DDAH1: variants seen among roughly 807,000 people sequenced by gnomAD.
The protein encoded by DDAH1 is N(G),N(G)-dimethylarginine dimethylaminohydrolase 1.
In DDAH1, 19 loss-of-function variants were observed where a neutral mutation model predicts 28.8. That is an observed-to-expected ratio of 0.66 (90% confidence interval 0.46 to 0.97). DDAH1 has a LOEUF of 0.97. DDAH1 is among the 50% of genes least tolerant of loss of function. The pLI, the probability that DDAH1 is intolerant of heterozygous loss-of-function variation, is 0.00. For missense variants in DDAH1, 326 were observed against 375.9 expected (o/e 0.87, Z 1.10); for synonymous variants, 153 against 154.4 (o/e 0.99, Z 0.07).
At chr1:85,338,944 G>A (rs1043904741) in intron 4 of DDAH1, among the ~76,000 whole-genome samples, 2 of 151,444 alleles carry the variant, frequency 1.3e-5, no homozygotes, top group Non-Finnish European at 2.9e-5. Flanking sequence ...CTACTCAGGA[G>A]GCTGAAGAAG....
intron 4 of DDAH1, among the ~76,000 whole-genome samples, chr1:85,325,367 G>GCACACA (rs569040999): frequency 1.1e-4 from 16 of 143,808 alleles, no homozygotes; most frequent in Non-Finnish European, 2.4e-4. Flanking sequence ...GCGCGCGCGC[G>GCACACA]CACACACACA....
chr1:85,574,903 A>G (rs1388977216), intron 1 of DDAH1, among the ~76,000 whole-genome samples: 1 of 151,852 alleles, frequency 6.6e-6, no homozygotes, highest in African/African-American at 2.4e-5. Flanking sequence ...ATATATATAT[A>G]TATGTAATTA....
intron 1 of DDAH1, among the ~76,000 whole-genome samples, chr1:85,402,633 G>T (rs1288570488): frequency 6.6e-6 from 1 of 152,006 alleles, no homozygotes; most frequent in African/African-American, 2.4e-5. Flanking sequence ...TCTTCTGGCC[G>T]GACGCGGTGG....
At chr1:85,427,613 C>T (rs887661590) in intron 1 of DDAH1, among the ~76,000 whole-genome samples, 1 of 152,198 alleles carries the variant, frequency 6.6e-6, no homozygotes, top group African/African-American at 2.4e-5. Context: ...CATCTTCTTA[C>T]ATGATCATTA....
intron 1 of DDAH1, among the ~76,000 whole-genome samples, chr1:85,395,798 G>C (rs1651785593): frequency 6.6e-6 from 1 of 152,120 alleles, no homozygotes; most frequent in Admixed American, 6.5e-5. Context: ...GATCAAGTTG[G>C]CTAAAATTAA....
intron 1 of DDAH1, among the ~76,000 whole-genome samples, chr1:85,406,291 A>G (rs1652399333): frequency 1.3e-5 from 2 of 152,212 alleles, no homozygotes; most frequent in Admixed American, 1.3e-4. Flanking sequence ...AGAAACACAG[A>G]AGAGAAGCTT....
intron 1 of DDAH1, among the ~76,000 whole-genome samples, chr1:85,403,884 T>G (rs946160340): frequency 6.6e-6 from 1 of 152,204 alleles, no homozygotes; most frequent in Non-Finnish European, 1.5e-5. Flanking sequence ...GGTAGAACAT[T>G]TAAAATATTG....
intron 1 of DDAH1, among the ~76,000 whole-genome samples, chr1:85,389,959 T>C (rs1358563714): frequency 6.6e-6 from 1 of 152,256 alleles, no homozygotes; most frequent in Non-Finnish European, 1.5e-5. Context: ...TTGACGATTC[T>C]AGAAGACCTC....
At chr1:85,537,235 G>C (rs572835217) in intron 1 of DDAH1, among the ~76,000 whole-genome samples, 1 of 151,628 alleles carries the variant, frequency 6.6e-6, no homozygotes, top group East Asian at 1.9e-4. Flanking sequence ...TCAGGAGGTT[G>C]AGGTCGGAGG....
intron 1 of DDAH1, among the ~76,000 whole-genome samples, chr1:85,409,332 T>C (rs1186424099): frequency 6.6e-6 from 1 of 152,132 alleles, no homozygotes; most frequent in Admixed American, 6.5e-5. Flanking sequence ...GAACTGCTAA[T>C]CCACAGCAGA....
intron 1 of DDAH1, among the ~76,000 whole-genome samples, chr1:85,512,032 C>G (rs1447146829): frequency 1.3e-5 from 2 of 152,172 alleles, no homozygotes; most frequent in Non-Finnish European, 2.9e-5. Context: ...CAAAGCCTGG[C>G]AGAGACACAA....
chr1:85,421,968 G>A (rs1653159340), intron 1 of DDAH1, among the ~76,000 whole-genome samples: 1 of 152,146 alleles, frequency 6.6e-6, no homozygotes. Context: ...CATGATTGCT[G>A]GATTGTATGG....
intron 2 of DDAH1, among the ~76,000 whole-genome samples, chr1:85,355,513 T>C (rs2100851727): frequency 6.6e-6 from 1 of 152,328 alleles, no homozygotes; most frequent in Admixed American, 6.5e-5. Flanking sequence ...GATTTCATGC[T>C]GGGGTTGCAA....
intron 1 of DDAH1, among the ~76,000 whole-genome samples, chr1:85,497,076 A>G (rs903143486): frequency 2.0e-5 from 3 of 152,222 alleles, no homozygotes; most frequent in African/African-American, 7.2e-5. Context: ...TACCACCAGG[A>G]TGACTTAACC....
chr1:85,514,054 G>A (rs538359956), intron 1 of DDAH1, among the ~76,000 whole-genome samples: 3 of 152,278 alleles, frequency 2.0e-5, no homozygotes, highest in South Asian at 2.1e-4. Flanking sequence ...ACATGCACAC[G>A]TATGTTTATC....
At chr1:85,471,638 G>A (rs764828076) in intron 2 of DDAH1, among the ~76,000 whole-genome samples, 30 of 152,180 alleles carry the variant, frequency 2.0e-4, no homozygotes, top group Admixed American at 3.9e-4. Context: ...AACAGTTATT[G>A]TGCTCTTGTG....
At chr1:85,500,772 A>G (rs1049744429) in intron 1 of DDAH1, among the ~76,000 whole-genome samples, 1 of 151,800 alleles carries the variant, frequency 6.6e-6, no homozygotes, top group African/African-American at 2.4e-5. Context: ...TTTTTTCTCT[A>G]TGTGCTTCAG....
chr1:85,356,703 T>C (rs181978295), intron 2 of DDAH1, among the ~76,000 whole-genome samples: 6 of 152,268 alleles, frequency 3.9e-5, no homozygotes, highest in Admixed American at 3.9e-4. Context: ...ACACATTAAC[T>C]TAAGTATTGA....
intron 1 of DDAH1, among the ~76,000 whole-genome samples, chr1:85,536,294 C>A (rs1463172823): frequency 1.3e-5 from 2 of 152,004 alleles, no homozygotes; most frequent in Non-Finnish European, 2.9e-5. Flanking sequence ...GTGGCTCACA[C>A]CTGTAATCCC....
Sources: allele counts gnomAD v4.1 joint callset (sites outside exome capture counted in the v4.1 genomes callset), GRCh38; gene constraint gnomAD v4.1.1; transcripts MANE v1.5; gene names NCBI Gene and HGNC (gene_info 2026-07-23, HGNC 2026-07-21).